TMEM132B: variants seen among roughly 807,000 people sequenced by gnomAD.
TMEM132B encodes the protein transmembrane protein 132B.
Under a neutral mutation model 90.8 loss-of-function variants are expected in TMEM132B, and 18 were observed. The observed-to-expected ratio is 0.20, with a 90% CI of 0.14 to 0.29. The LOEUF is 0.29. Among genes scored for constraint, TMEM132B ranks in the 10% least tolerant of loss-of-function variants. The pLI, the probability that TMEM132B is intolerant of heterozygous loss-of-function variation, is 1.00. For missense variants in TMEM132B, 1,096 were observed against 1,326.8 expected, an observed-to-expected ratio of 0.83 and a Z score of 2.70; for synonymous variants, 504 against 523.3, an observed-to-expected ratio of 0.96 and a Z score of 0.50.
At chr12:125,299,520 A>G (rs752356995) in intron 1 of TMEM132B, among the ~76,000 whole-genome samples, 24 of 151,720 alleles carry the variant, frequency 1.6e-4, no homozygotes, top group Non-Finnish European at 3.1e-4. Context: ...CGCCTGCTTC[A>G]CCCTTCCCTG....
intron 4 of TMEM132B, among the ~76,000 whole-genome samples, chr12:125,520,370 C>A (rs1592971367): frequency 1.3e-5 from 2 of 152,276 alleles, no homozygotes; most frequent in South Asian, 4.1e-4. Flanking sequence ...TGTCTGGTAC[C>A]AAAGTGTGGG....
intron 3 of TMEM132B, among the ~76,000 whole-genome samples, chr12:125,467,589 G>C (rs938351303): frequency 6.6e-6 from 1 of 152,146 alleles, no homozygotes; most frequent in Non-Finnish European, 1.5e-5. Context: ...CTTTTGTTTT[G>C]TGTAATTTTT....
intron 4 of TMEM132B, among the ~76,000 whole-genome samples, chr12:125,541,200 G>A (rs1205615638): frequency 6.6e-6 from 1 of 152,116 alleles, no homozygotes; most frequent in East Asian, 1.9e-4. Context: ...TCATTGTCAC[G>A]ACACATTTTG....
At chr12:125,575,948 C>G (rs1884932078) in intron 4 of TMEM132B, among the ~76,000 whole-genome samples, 1 of 152,050 alleles carries the variant, frequency 6.6e-6, no homozygotes, top group Non-Finnish European at 1.5e-5. Context: ...ATCCAGATTG[C>G]TATGGCTATT....
At chr12:125,253,303 T>C (rs974456357) in intron 1 of TMEM132B, among the ~76,000 whole-genome samples, 8 of 152,218 alleles carry the variant, frequency 5.3e-5, no homozygotes, top group Non-Finnish European at 7.3e-5. Flanking sequence ...AGTCCATTAA[T>C]GAGGACTAGC....
chr12:125,575,900 A>G (rs542649466), intron 4 of TMEM132B, among the ~76,000 whole-genome samples: 3 of 152,218 alleles, frequency 2.0e-5, no homozygotes, highest in Admixed American at 6.5e-5. Flanking sequence ...TGGAAAGTCA[A>G]TTCTAATCAG....
chr12:125,249,254 C>G (rs983786413), intron 1 of TMEM132B, among the ~76,000 whole-genome samples: 2 of 152,160 alleles, frequency 1.3e-5, no homozygotes, highest in African/African-American at 4.8e-5. Context: ...ATCTGCTGGG[C>G]TCCATCCCAG....
At chr12:125,326,661 T>C in intron 1 of TMEM132B, 1 of 1,607,950 alleles carries the variant, frequency 6.2e-7, no homozygotes, top group Non-Finnish European at 8.5e-7. Flanking sequence ...ACCACTGCTG[T>C]CTGCACCGGG....
chr12:125,239,501 C>T (rs1874015794), intron 1 of TMEM132B, among the ~76,000 whole-genome samples: 1 of 152,164 alleles, frequency 6.6e-6, no homozygotes, highest in Non-Finnish European at 1.5e-5. Context: ...TCTTTCTTTT[C>T]ATCTCTTGGC....
intron 3 of TMEM132B, among the ~76,000 whole-genome samples, chr12:125,454,787 G>A (rs754509004): frequency 6.6e-6 from 1 of 152,168 alleles, no homozygotes; most frequent in Non-Finnish European, 1.5e-5. Context: ...TGGATATGAT[G>A]CCTCGCTTGA....
intron 5 of TMEM132B, among the ~76,000 whole-genome samples, chr12:125,630,697 T>C (rs1440855303): frequency 6.6e-6 from 1 of 152,102 alleles, no homozygotes; most frequent in East Asian, 1.9e-4. Context: ...ACCCAGGTAC[T>C]ACGCCTAGTA....
At chr12:125,447,057 G>A (rs772265757) in intron 3 of TMEM132B, among the ~76,000 whole-genome samples, 16 of 152,174 alleles carry the variant, frequency 1.1e-4, no homozygotes, top group Non-Finnish European at 1.9e-4. Context: ...CTATTTATGT[G>A]GCATATATAT....
At chr12:125,573,541 T>C (rs1408754987) in intron 4 of TMEM132B, among the ~76,000 whole-genome samples, 3 of 152,204 alleles carry the variant, frequency 2.0e-5, no homozygotes, top group Admixed American at 1.3e-4. Flanking sequence ...TGAGAGTACA[T>C]AGTCAAAATA....
chr12:125,647,522 C>A (rs138935789), intron 6 of TMEM132B, among the ~76,000 whole-genome samples: 2 of 152,138 alleles, frequency 1.3e-5, no homozygotes, highest in Non-Finnish European at 2.9e-5. Flanking sequence ...CCACGGAGGC[C>A]AGAAGGATTT....
At chr12:125,513,340 C>T (rs1325384386) in intron 3 of TMEM132B, among the ~76,000 whole-genome samples, 1 of 151,892 alleles carries the variant, frequency 6.6e-6, no homozygotes, top group Admixed American at 6.6e-5. Context: ...GTGCGTGTGC[C>T]TGTGTGCGTG....
chr12:125,225,315 A>G (rs1304268743), intron 1 of TMEM132B, among the ~76,000 whole-genome samples: 1 of 152,234 alleles, frequency 6.6e-6, no homozygotes, highest in African/African-American at 2.4e-5. Context: ...AGGCCCAGTG[A>G]GAAATGAAAA....
Position 125,349,923 on chromosome 12 carries a change from G to A in TMEM132B, c.539G>A (p.Arg180Gln), listed in dbSNP as rs770384484. The A allele has an allele frequency of 1.1e-5, 17 of 1,614,196 alleles. No homozygotes were observed. Among genetic ancestry groups the A allele is most frequent in the Non-Finnish European group, 1.3e-5 (15 of 1,180,032 alleles). ...GCCAGGGAAGTGGCAGCCAGCTGTC[G>A]GCTGCAAGGGGCCCCAGGGCTGTGT... is the stretch of plus-strand genomic sequence containing the variant. ...PEAREVAASC[R>Q]LQGAPGLCVA... Residue 180 changes from arginine to glutamine, a missense_variant, in exon 2 of 9, where the codon CGG becomes CAG. By Grantham distance (43) the Arg-to-Gln change is conservative. Coordinates refer to ENST00000682704, the MANE Select transcript of TMEM132B (RefSeq NM_001366854.1). This position sits in a 1 kb window ranked among gnomAD's most constrained non-coding sequence, Gnocchi z 4.1.
intron 1 of TMEM132B, among the ~76,000 whole-genome samples, chr12:125,295,528 G>GAGAGAGAGAGAGACAGAGAC (rs1875649165): frequency 6.6e-5 from 10 of 151,152 alleles, no homozygotes; most frequent in South Asian, 2.1e-4. Flanking sequence ...GAGAGAGAGA[G>GAGAGAGAGAGAGACAGAGAC]AGAGAGAGAG....
At chr12:125,305,759 G>A (rs1292762540) in intron 1 of TMEM132B, among the ~76,000 whole-genome samples, 1 of 152,166 alleles carries the variant, frequency 6.6e-6, no homozygotes, top group Non-Finnish European at 1.5e-5. Context: ...AAAAGACAAG[G>A]AAATCTTGAT....
Sources: gnomAD v4.1 joint callset for allele counts (sites outside exome capture counted in the v4.1 genomes callset) on GRCh38, gnomAD v4.1.1 for gene constraint, Gnocchi (gnomAD v3.1) non-coding constraint, MANE v1.5 for transcripts, NCBI Gene and HGNC (gene_info 2026-07-23, HGNC 2026-07-21) for gene names.